TMEM248: variants seen among roughly 807,000 people sequenced by gnomAD.
The protein encoded by TMEM248 is UPF0458 protein C7orf42.
TMEM248 carries 9 observed loss-of-function variants against 30.3 expected under a neutral mutation model. The observed-to-expected ratio is 0.30, with a 90% CI of 0.18 to 0.52. The LOEUF (loss-of-function observed/expected upper bound fraction) is 0.52. Ranked by LOEUF, TMEM248 falls within the 20% of genes least tolerant of loss-of-function variation. TMEM248 has a pLI of 0.97. For synonymous variants in TMEM248, 184 were observed against 154.4 expected (o/e 1.19, Z -1.42); for missense variants, 338 against 403.3 (o/e 0.84, Z 1.39).
intron 1 of TMEM248, among the ~76,000 whole-genome samples, chr7:66,926,192 G>A (rs1325648491): frequency 6.6e-6 from 1 of 152,112 alleles, no homozygotes; most frequent in Non-Finnish European, 1.5e-5. Flanking sequence ...ACATCTGTTC[G>A]TGTCCCTTGC....
chr7:66,950,959 C>G lies in TMEM248; in HGVS notation c.604C>G (p.Pro202Ala), dbSNP rs1473522414. The G allele has an allele frequency of 6.3e-7, 1 of 1,584,132 alleles. No individual in the cohort carries two copies. ...PGVFPVTVQP[P>A]HCVPDTYSNA... is the part of the protein sequence containing the mutation. The stretch of plus-strand genomic sequence containing the variant: ...CCTCCTCTTCTCCTGCAGACAGCCA[C>G]CGCACTGTGTTCCTGACACGTACAG... Residue 202 changes from proline to alanine, a missense_variant, in exon 5 of 7, where the codon CCG (proline) becomes GCG (alanine). Pro to Ala is a conservative substitution (Grantham distance 27, BLOSUM62 -1). Transcript: ENST00000341567.
intron 3 of TMEM248, 48 bp from the exon 4 acceptor site, chr7:66,948,496 C>T (rs1347418884): frequency 6.3e-7 from 1 of 1,581,016 alleles, no homozygotes; most frequent in East Asian, 2.3e-5. Context: ...CAGAGAATGA[C>T]AAGTACGTGG....
chr7:66,950,885 G>A (rs752864328), intron 4 of TMEM248, 67 bp from the exon 5 acceptor site: 9 of 1,335,320 alleles, frequency 6.7e-6, no homozygotes, highest in Non-Finnish European at 8.9e-6. Flanking sequence ...CAGCTGCTGT[G>A]GGGGTGACAC....
intron 1 of TMEM248, among the ~76,000 whole-genome samples, chr7:66,925,583 A>G (rs1791501438): frequency 6.6e-6 from 1 of 152,130 alleles, no homozygotes; most frequent in Non-Finnish European, 1.5e-5. Flanking sequence ...GTTGTGGCAA[A>G]TAGTGCTGCA....
chr7:66,956,558 A>T lies in TMEM248; in HGVS notation c.*1036A>T, dbSNP rs1366567418. 6.6e-6 allele frequency: 1 copy of T among 152,240 alleles called. No individual in the cohort carries two copies. 9.4% of individuals were successfully genotyped at this position (152,240 alleles called of 1,614,324 possible). Reference sequence around the variant, plus strand: ...TTTCATGCTACTAACATATCTTCAGAAGGAAATGGCAACTAGTAGATCAGT... The same window carrying T: ...TTTCATGCTACTAACATATCTTCAGTAGGAAATGGCAACTAGTAGATCAGT... On this transcript the variant is annotated 3_prime_UTR_variant, in exon 7 of 7. Coordinates refer to ENST00000341567, the MANE Select transcript of TMEM248 (RefSeq NM_017994.5).
intron 3 of TMEM248, among the ~76,000 whole-genome samples, chr7:66,947,382 T>A (rs1020191380): frequency 5.9e-5 from 9 of 152,148 alleles, no homozygotes; most frequent in Non-Finnish European, 1.3e-4. Context: ...GCTTATGGCA[T>A]GGCATAAGGA....
Position 66,958,230 on chromosome 7 carries a change from C to G in TMEM248, c.*2708C>G, listed in dbSNP as rs1037619290. The G allele has an allele frequency of 6.5e-6, 1 of 152,708 alleles. No individual in the cohort carries two copies. The highest frequency in any genetic ancestry group is 2.4e-5 in the African/African-American group (1 of 41,476). The allele number at this position is 152,708 out of a possible 1,614,324, so 9.5% of individuals were successfully genotyped here. Reference sequence around the variant, plus strand: ...CAACTTACTCTTAAAACGATTGTTTCGGATCATATTGATCTCTTTCCTTTT... The same window carrying G: ...CAACTTACTCTTAAAACGATTGTTTGGGATCATATTGATCTCTTTCCTTTT... On this transcript the variant is annotated 3_prime_UTR_variant, in exon 7 of 7. Transcript: ENST00000341567.
chr7:66,931,879 A>G (rs922810802), intron 1 of TMEM248, among the ~76,000 whole-genome samples: 12 of 132,366 alleles, frequency 9.1e-5, no homozygotes, highest in Non-Finnish European at 1.8e-4. Context: ...ATCTCGGCTC[A>G]CTGCAAGCTC....
chr7:66,925,242 A>T lies in TMEM248; in HGVS notation c.-19+3781A>T, dbSNP rs548145288. Among the ~76,000 whole-genome samples the T allele has an allele frequency of 5.3e-5, 8 of 152,230 alleles. No homozygotes were observed. The South Asian group carries it at 1.5e-3, about 28-fold the overall frequency. On this transcript the variant is annotated intron_variant, in intron 1 of 6. Coordinates refer to ENST00000341567, the MANE Select transcript of TMEM248 (RefSeq NM_017994.5). ...CACTCTGTTGCTCAGGCTGGTCTCA[A>T]ACTCCTGGGCACAAGTGATCCTCCC...
At chr7:66,931,297 CAAAAAAAA>C (rs758131446) in intron 1 of TMEM248, among the ~76,000 whole-genome samples, 2 of 64,396 alleles carry the variant, frequency 3.1e-5, no homozygotes, top group Admixed American at 1.9e-4. Context: ...GACAATATCT[CAAAAAAAA>C]AAAAAAAAAA....
At chr7:66,926,639 C>CAAAAAAAAA (rs200106499) in intron 1 of TMEM248, among the ~76,000 whole-genome samples, 3 of 86,572 alleles carry the variant, frequency 3.5e-5, no homozygotes, top group African/African-American at 9.3e-5. Context: ...CCATCTGAAA[C>CAAAAAAAAA]AAAAAAAAAA....
Position 66,948,540 on chromosome 7 carries a change from A to G in TMEM248, c.446-4A>G, listed in dbSNP as rs748453647. The stretch of plus-strand genomic sequence containing the variant: ...TTTATAAAAAAATGATTTCTCTTTC[A>G]TAGGCAGGGAAGCCCACGAGGAGAT... On this transcript the variant is annotated splice_region_variant and splice_polypyrimidine_tract_variant and intron_variant, in intron 3 of 6. Coordinates refer to ENST00000341567, the MANE Select transcript of TMEM248 (RefSeq NM_017994.5). The G allele has an allele frequency of 5.6e-6, 9 of 1,612,480 alleles. No individual in the cohort carries two copies. The South Asian group carries it at 7.7e-5, about 14-fold the overall frequency.
chr7:66,941,943 C>G lies in TMEM248; in HGVS notation c.78C>G (p.Ser26Arg). 1 of 1,614,134 alleles carries G rather than the reference C, an allele frequency of 6.2e-7. No homozygotes were observed. Among genetic ancestry groups the G allele is most frequent in the Non-Finnish European group, 8.5e-7 (1 of 1,180,012 alleles). Reference protein sequence around the residue: ...SRPPLVVFMISVSAMAIAFLT... With the variant: ...SRPPLVVFMIRVSAMAIAFLT... ...CTCCCCTGGTGGTCTTCATGATCAGCGTAAGCGCCATGGCCATAGCTTTCC... is the reference window on the plus strand; with the variant it reads ...CTCCCCTGGTGGTCTTCATGATCAGGGTAAGCGCCATGGCCATAGCTTTCC... The change falls in exon 2 of 7, where the codon AGC (serine) becomes AGG (arginine). Residue 26 changes from serine (S) to arginine (R), a missense_variant. Physicochemically the swap from Ser to Arg is moderately radical, Grantham distance 110. Transcript: ENST00000341567.
chr7:66,938,098 C>T (rs1468545029), intron 1 of TMEM248, among the ~76,000 whole-genome samples: 1 of 152,146 alleles, frequency 6.6e-6, no homozygotes. Flanking sequence ...ATCGTTGGAT[C>T]TGGTTTTTTT....
intron 5 of TMEM248, 151 bp downstream of exon 5, chr7:66,951,286 G>A (rs1339627370): frequency 1.6e-6 from 1 of 636,626 alleles, no homozygotes; most frequent in Non-Finnish European, 2.3e-6. Flanking sequence ...AGGACACTAG[G>A]CGGAGTGGTG....
intron 1 of TMEM248, among the ~76,000 whole-genome samples, chr7:66,927,195 G>A (rs1186289078): frequency 6.6e-6 from 1 of 152,056 alleles, no homozygotes; most frequent in Non-Finnish European, 1.5e-5. Flanking sequence ...TTAAGAAGCG[G>A]GGGGGTTGAA....
chr7:66,938,584 C>G (rs935611852), intron 1 of TMEM248, among the ~76,000 whole-genome samples: 10 of 152,148 alleles, frequency 6.6e-5, no homozygotes, highest in African/African-American at 2.4e-4. Context: ...TCTCGACTTG[C>G]TGCACCTCCG....
chr7:66,931,084 C>G (rs1041510373), intron 1 of TMEM248, among the ~76,000 whole-genome samples: 1 of 152,012 alleles, frequency 6.6e-6, no homozygotes, highest in African/African-American at 2.4e-5. Context: ...AGGTGGATCA[C>G]TTGAAGTCAG....
intron 1 of TMEM248, among the ~76,000 whole-genome samples, chr7:66,933,277 C>T (rs756546233): frequency 2.0e-5 from 3 of 152,192 alleles, no homozygotes; most frequent in Non-Finnish European, 4.4e-5. Context: ...TCAAGCCATC[C>T]TCCTGCCTCA....
Sources: gnomAD v4.1 joint callset for allele counts (sites outside exome capture counted in the v4.1 genomes callset) on GRCh38, gnomAD v4.1.1 for gene constraint, MANE v1.5 for transcripts, NCBI Gene and HGNC (gene_info 2026-07-23, HGNC 2026-07-21) for gene names.